The following GRIA1 variants were observed in gnomAD, a reference collection of about 807,000 sequenced individuals.
GRIA1 encodes glutamate ionotropic receptor AMPA type subunit 1.
In GRIA1, 31 loss-of-function variants were observed where a neutral mutation model predicts 99.2. The ratio of observed to expected loss-of-function variants is 0.31; its 90% CI spans 0.23 to 0.42. The LOEUF (loss-of-function observed/expected upper bound fraction) is 0.42, where lower values mean the gene tolerates loss of function less well. GRIA1 is among the 10% of genes least tolerant of loss of function. The pLI is 1.00. For synonymous variants in GRIA1, 438 were observed against 432.4 expected, an observed-to-expected ratio of 1.01 and a Z score of -0.16; for missense variants, 782 against 1,157.5, an observed-to-expected ratio of 0.68 and a Z score of 4.71.
chr5:153,572,388 C>T (rs534159566), intron 2 of GRIA1, among the ~76,000 whole-genome samples: 2 of 152,102 alleles, frequency 1.3e-5, no homozygotes, highest in Admixed American at 6.6e-5. Flanking sequence ...GAGTGGCAAG[C>T]GGGAGGCACA....
At chr5:153,673,742 T>C (rs1004960645) in intron 5 of GRIA1, among the ~76,000 whole-genome samples, 10 of 152,258 alleles carry the variant, frequency 6.6e-5, no homozygotes, top group Admixed American at 3.3e-4. Context: ...GTACTGCACA[T>C]TATTGAATAT....
Position 153,645,057 on chromosome 5 carries a change from T to C in GRIA1, c.221-1871T>C, listed in dbSNP as rs80185974. 6.6e-3 allele frequency among the ~76,000 whole-genome samples: 1,000 copies of C among 152,230 alleles called. 11 individuals carry two copies. The highest frequency in any genetic ancestry group is 0.022 in the African/African-American group (910 of 41,520). On this transcript the variant is annotated intron_variant, in intron 2 of 15. Transcript: ENST00000285900. ...AGAACAATGTGTTTTGTTTGTTTTG[T>C]CTTTGTTGTTTAAATAAGATCTCTC...
intron 7 of GRIA1, among the ~76,000 whole-genome samples, chr5:153,681,995 C>T (rs1232099442): frequency 6.6e-6 from 1 of 151,346 alleles, no homozygotes; most frequent in Non-Finnish European, 1.5e-5. Flanking sequence ...GGTTGTGCCA[C>T]TGCATACCAC....
rs374495342 is a variant in GRIA1, at chr5:153,806,221, T to C, written c.2520+3731T>C. Reference sequence around the variant, plus strand: ...GAGCTTTCCCTCTCATTTCTTTCCATTATCACAGTATTTGGTCCACTCTTT... The same window carrying C: ...GAGCTTTCCCTCTCATTTCTTTCCACTATCACAGTATTTGGTCCACTCTTT... On this transcript the variant is annotated intron_variant, in intron 15 of 15. Coordinates refer to ENST00000285900, the MANE Select transcript of GRIA1 (RefSeq NM_000827.4). 3.4e-4 allele frequency among the ~76,000 whole-genome samples: 52 copies of C among 152,290 alleles called. No homozygotes were observed. In the East Asian group the frequency reaches 7.5e-3, roughly 22 times the overall value.
At chr5:153,782,621 T>A (rs1764707678) in intron 13 of GRIA1, among the ~76,000 whole-genome samples, 1 of 151,932 alleles carries the variant, frequency 6.6e-6, no homozygotes, top group Non-Finnish European at 1.5e-5. Context: ...ACCATAAAAA[T>A]AAATAGATAA....
chr5:153,494,672 G>A (rs192974388), intron 2 of GRIA1, among the ~76,000 whole-genome samples: 4 of 152,286 alleles, frequency 2.6e-5, no homozygotes, highest in African/African-American at 4.8e-5. Flanking sequence ...AAGAAGAAGG[G>A]ATAGATAAAT....
intron 2 of GRIA1, chr5:153,573,080 C>A (rs1339131667): frequency 6.6e-6 from 1 of 152,116 alleles, no homozygotes; most frequent in Non-Finnish European, 1.5e-5. Context: ...TAAAGGAGTC[C>A]TAAGAGGTCT....
intron 2 of GRIA1, among the ~76,000 whole-genome samples, chr5:153,512,905 G>C (rs1249502541): frequency 6.6e-6 from 1 of 152,134 alleles, no homozygotes; most frequent in East Asian, 1.9e-4. Flanking sequence ...CCTCATAATG[G>C]ATTAATACTC....
rs891414236 is a variant in GRIA1 at position 153,812,384 on chromosome 5, A to G, written c.*1159A>G. Reference sequence around the variant, plus strand: ...AGCTTCCCATGGTGTGCCCTATCCTAGGTTTAAGAAAACACGTATGAAGTT... The same window carrying G: ...AGCTTCCCATGGTGTGCCCTATCCTGGGTTTAAGAAAACACGTATGAAGTT... On this transcript the variant is annotated 3_prime_UTR_variant, in exon 16 of 16. Transcript: ENST00000285900. 1.3e-5 allele frequency: 2 copies of G among 152,234 alleles called. No homozygotes were observed. The highest frequency in any genetic ancestry group is 4.8e-5 in the African/African-American group (2 of 41,456). 9.4% of individuals were successfully genotyped at this position (152,234 alleles called of 1,614,324 possible).
intron 9 of GRIA1, among the ~76,000 whole-genome samples, chr5:153,698,564 T>A (rs1758288206): frequency 6.6e-6 from 1 of 150,972 alleles, no homozygotes; most frequent in East Asian, 2.0e-4. Flanking sequence ...GTTTAGGGTC[T>A]ATTTCTCCTT....
At chr5:153,650,896 TAAAAAAAAAAA>T (rs71575151) in intron 4 of GRIA1, among the ~76,000 whole-genome samples, 2 of 70,130 alleles carry the variant, frequency 2.9e-5, no homozygotes, top group Non-Finnish European at 5.7e-5. Flanking sequence ...CTGTCTCCAC[TAAAAAAAAAAA>T]AAAAAAAAAA....
At chr5:153,742,138 G>A (rs1219942527) in intron 11 of GRIA1, among the ~76,000 whole-genome samples, 1 of 152,148 alleles carries the variant, frequency 6.6e-6, no homozygotes, top group African/African-American at 2.4e-5. Flanking sequence ...AGAAGAGATT[G>A]CACCTGGCTG....
intron 5 of GRIA1, among the ~76,000 whole-genome samples, chr5:153,672,703 G>A (rs369770812): frequency 2.0e-4 from 31 of 152,156 alleles, no homozygotes; most frequent in African/African-American, 6.5e-4. Context: ...AAACATAGAC[G>A]GTATCCTAGG....
intron 14 of GRIA1, among the ~76,000 whole-genome samples, chr5:153,796,581 T>C (rs768245555): frequency 6.6e-6 from 1 of 152,196 alleles, no homozygotes; most frequent in Non-Finnish European, 1.5e-5. Context: ...TTGGCTTTAC[T>C]CAGAAAGATT....
At chr5:153,782,053 A>G (rs1246556398) in intron 13 of GRIA1, among the ~76,000 whole-genome samples, 1 of 152,226 alleles carries the variant, frequency 6.6e-6, no homozygotes, top group Non-Finnish European at 1.5e-5. Context: ...TCCACAGTGC[A>G]AACACTATGG....
chr5:153,652,846 TA>T (rs1754674148), intron 4 of GRIA1, among the ~76,000 whole-genome samples: 1 of 152,174 alleles, frequency 6.6e-6, no homozygotes, highest in African/African-American at 2.4e-5. Context: ...GTAATGAGCC[TA>T]CAACTTATAT....
At chr5:153,723,146 T>A (rs546112739) in intron 11 of GRIA1, among the ~76,000 whole-genome samples, 23 of 152,176 alleles carry the variant, frequency 1.5e-4, no homozygotes, top group Non-Finnish European at 3.1e-4. Context: ...CAAAAAGGAA[T>A]TTGCCTTGCA....
intron 5 of GRIA1, among the ~76,000 whole-genome samples, chr5:153,666,912 A>T (rs1357348109): frequency 6.6e-6 from 1 of 152,132 alleles, no homozygotes. Flanking sequence ...TCTCTTCCCC[A>T]TGACAACCCT....
chr5:153,552,976 G>A (rs547958005), intron 2 of GRIA1, among the ~76,000 whole-genome samples: 1 of 152,156 alleles, frequency 6.6e-6, no homozygotes, highest in South Asian at 2.1e-4. Context: ...TGTTGCCCTG[G>A]CTGGTTTCAA....
Sources: allele counts gnomAD v4.1 joint callset (sites outside exome capture counted in the v4.1 genomes callset), GRCh38; gene constraint gnomAD v4.1.1; transcripts MANE v1.5; gene names NCBI Gene and HGNC (gene_info 2026-07-23, HGNC 2026-07-21).